ANO2: variants seen among roughly 807,000 people sequenced by gnomAD.
The protein encoded by ANO2 is anoctamin-2.
In ANO2, 101 loss-of-function variants were observed where a neutral mutation model predicts 124.2. That is an observed-to-expected ratio of 0.81 (90% CI 0.69 to 0.96). The LOEUF is 0.96. Ranked by LOEUF, ANO2 falls within the 40% of genes least tolerant of loss-of-function variation. ANO2 has a pLI of 0.00. For missense variants in ANO2, 1,293 were observed against 1,274.5 expected, an observed-to-expected ratio of 1.01 and a Z score of -0.22; for synonymous variants, 486 against 482.5, an observed-to-expected ratio of 1.01 and a Z score of -0.09.
At chr12:5,639,780 A>G (rs189317895) in intron 15 of ANO2, among the ~76,000 whole-genome samples, 412 of 152,248 alleles carry the variant, frequency 2.7e-3, no homozygotes, top group Non-Finnish European at 4.1e-3. Context: ...TTCTGAGCAG[A>G]GGAGTGATGT....
At chr12:5,686,623 A>G (rs3782632) in intron 14 of ANO2, among the ~76,000 whole-genome samples, 56,868 of 152,094 alleles carry the variant, frequency 0.37, 12,391 homozygotes, top group East Asian at 0.59. Flanking sequence ...AGAAGGCTGG[A>G]GGGGCCTTTA....
intron 16 of ANO2, among the ~76,000 whole-genome samples, chr12:5,616,099 A>G (rs1451857001): frequency 1.3e-5 from 2 of 152,202 alleles, no homozygotes; most frequent in Non-Finnish European, 2.9e-5. Context: ...GGACACTTCC[A>G]AGGGACTCCA....
chr12:5,674,135 T>A lies in ANO2; in HGVS notation c.1546-26334A>T, dbSNP rs149654890. Among the ~76,000 whole-genome samples, 952 of 152,296 alleles carry A rather than the reference T, an allele frequency of 6.3e-3. 13 individuals are homozygous for A. Among genetic ancestry groups the A allele is most frequent in the African/African-American group, 0.021 (880 of 41,564 alleles). On this transcript the variant is annotated intron_variant, in intron 14 of 24. Transcript: ENST00000682330. ...TCCCATAGAGAAAAAAATATTTAGC[T>A]AAGATTCCAAAAGTGAGGGCAAATC...
rs1201631398 is a variant in ANO2, at chr12:5,925,039, C to A, written c.23-2235G>T. 6.6e-6 allele frequency among the ~76,000 whole-genome samples: 1 copy of A among 152,178 alleles called. No individual in the cohort carries two copies. The highest frequency in any genetic ancestry group is 2.4e-5 in the African/African-American group (1 of 41,432). On this transcript the variant is annotated intron_variant, in intron 1 of 24. Coordinates refer to ENST00000682330, the MANE Select transcript of ANO2 (RefSeq NM_001364791.2). The surrounding 1 kb of genome is among the most constrained non-coding windows in gnomAD (Gnocchi z 4.6). ...CCTTGTGCCTTCCTGCATGCCTGCC[C>A]CACAAGTGCCTGAGAACAGAACTTG...
intron 3 of ANO2, among the ~76,000 whole-genome samples, chr12:5,884,037 G>T (rs961678366): frequency 6.6e-6 from 1 of 152,176 alleles, no homozygotes; most frequent in African/African-American, 2.4e-5. Flanking sequence ...AGGTCACACA[G>T]GTAATGAATA....
intron 14 of ANO2, among the ~76,000 whole-genome samples, chr12:5,677,262 G>A (rs370966846): frequency 3.9e-5 from 6 of 152,086 alleles, no homozygotes; most frequent in African/African-American, 1.2e-4. Flanking sequence ...GTCACAAACA[G>A]GAAATGCAAA....
At chr12:5,574,440 C>G (rs1358135108) in intron 23 of ANO2, among the ~76,000 whole-genome samples, 1 of 152,138 alleles carries the variant, frequency 6.6e-6, no homozygotes, top group Non-Finnish European at 1.5e-5. Context: ...TTAAATGTAA[C>G]ATGATTGAAA....
At chr12:5,732,744 G>T in intron 13 of ANO2, 114 bp from the exon 14 acceptor site, 2 of 1,527,246 alleles carry the variant, frequency 1.3e-6, no homozygotes, top group Non-Finnish European at 1.8e-6. Context: ...GATGCTATTG[G>T]ATATGAACTG....
chr12:5,612,335 T>G (rs1468243661), intron 19 of ANO2, among the ~76,000 whole-genome samples: 1 of 152,170 alleles, frequency 6.6e-6, no homozygotes, highest in African/African-American at 2.4e-5. Context: ...ATACTGAACA[T>G]CTCTTTTACT....
intron 3 of ANO2, among the ~76,000 whole-genome samples, chr12:5,866,703 G>A (rs1404333843): frequency 6.6e-6 from 1 of 152,246 alleles, no homozygotes; most frequent in Non-Finnish European, 1.5e-5. Context: ...ACTGAATGGA[G>A]CCTGGGGATC....
rs574285678 is a variant in ANO2 at position 5,813,685 on chromosome 12, G to A, written c.893-6317C>T. On this transcript the variant is annotated intron_variant, in intron 7 of 24. Coordinates refer to ENST00000682330, the MANE Select transcript of ANO2 (RefSeq NM_001364791.2). ...TCCTCTCAACCTCTCTGAGGCCTGC[G>A]GACATCACGCAACCCCAAGTCCTGG... Among the ~76,000 whole-genome samples, 54 of 152,154 alleles carry A rather than the reference G, an allele frequency of 3.5e-4. No homozygotes were observed. The East Asian group carries it at 4.8e-3, about 14-fold the overall frequency.
chr12:5,676,955 G>A (rs1948273948), intron 14 of ANO2, among the ~76,000 whole-genome samples: 1 of 152,188 alleles, frequency 6.6e-6, no homozygotes, highest in Non-Finnish European at 1.5e-5. Flanking sequence ...TTGGGAGGCT[G>A]AGACAGGAGA....
chr12:5,854,913 C>G, intron 3 of ANO2, among the ~76,000 whole-genome samples: 1 of 149,332 alleles, frequency 6.7e-6, no homozygotes, highest in East Asian at 2.0e-4. Flanking sequence ...AGGAAGGCAC[C>G]TCATCTTCAA....
At chr12:5,712,590 C>A (rs1012182656) in intron 14 of ANO2, among the ~76,000 whole-genome samples, 3 of 152,176 alleles carry the variant, frequency 2.0e-5, no homozygotes, top group African/African-American at 4.8e-5. Flanking sequence ...GCCTCCAGAA[C>A]TATGAGAGAA....
In ANO2 at chr12:5,925,047, G is replaced by T. The variant is rs1942018736; in HGVS notation, c.23-2243C>A. 6.6e-6 allele frequency among the ~76,000 whole-genome samples: 1 copy of T among 152,122 alleles called. No individual in the cohort carries two copies. Among genetic ancestry groups the T allele is most frequent in the Non-Finnish European group, 1.5e-5 (1 of 68,044 alleles). ...CTTCCTGCATGCCTGCCCCACAAGTGCCTGAGAACAGAACTTGGAACAGAA... is the reference window on the plus strand; with the variant it reads ...CTTCCTGCATGCCTGCCCCACAAGTTCCTGAGAACAGAACTTGGAACAGAA... On this transcript the variant is annotated intron_variant, in intron 1 of 24. Coordinates refer to ENST00000682330, the MANE Select transcript of ANO2 (RefSeq NM_001364791.2). This position sits in a 1 kb window ranked among gnomAD's most constrained non-coding sequence, Gnocchi z 4.6.
chr12:5,732,922 T>A, intron 13 of ANO2: 1 of 1,612,156 alleles, frequency 6.2e-7, no homozygotes, highest in Non-Finnish European at 8.5e-7. Context: ...AAATGTTAAC[T>A]GGATGGCTGA....
At chr12:5,703,169 T>C (rs566841894) in intron 14 of ANO2, among the ~76,000 whole-genome samples, 16 of 152,318 alleles carry the variant, frequency 1.1e-4, no homozygotes, top group African/African-American at 3.8e-4. Flanking sequence ...TTGAGATGAA[T>C]GCAGGAGGCC....
intron 3 of ANO2, among the ~76,000 whole-genome samples, chr12:5,907,045 T>TA (rs1258093445): frequency 6.6e-6 from 1 of 152,124 alleles, no homozygotes; most frequent in Non-Finnish European, 1.5e-5. Context: ...CCTGCAAAAA[T>TA]AAAGTCTCCG....
chr12:5,829,946 T>C (rs899678207), intron 6 of ANO2, among the ~76,000 whole-genome samples: 6 of 152,172 alleles, frequency 3.9e-5, no homozygotes, highest in Admixed American at 3.9e-4. Flanking sequence ...GCATTCCTTG[T>C]TATAGAAATT....
Sources: allele counts gnomAD v4.1 joint callset (sites outside exome capture counted in the v4.1 genomes callset), GRCh38; gene constraint gnomAD v4.1.1; non-coding constraint Gnocchi (gnomAD v3.1); transcripts MANE v1.5; gene names NCBI Gene and HGNC (gene_info 2026-07-23, HGNC 2026-07-21).